SORCS2: variants seen among roughly 807,000 people sequenced by gnomAD.
SORCS2 encodes sortilin related VPS10 domain containing receptor 2.
A neutral mutation model predicts 141.6 loss-of-function variants in SORCS2; 100 were observed. That is an observed-to-expected ratio of 0.71 (90% CI 0.60 to 0.83). The LOEUF is 0.83. SORCS2 is among the 40% of genes least tolerant of loss of function. SORCS2 has a pLI of 0.00. For missense variants in SORCS2, 1,646 were observed against 1,560.2 expected (o/e 1.05, Z -0.93); for synonymous variants, 789 against 676.9 (o/e 1.17, Z -2.57).
chr4:7,424,155 G>A (rs953849556), intron 2 of SORCS2, among the ~76,000 whole-genome samples: 1 of 152,218 alleles, frequency 6.6e-6, no homozygotes, highest in Non-Finnish European at 1.5e-5. Context: ...GTGAAAAGCG[G>A]GTGGTGGGAC....
chr4:7,509,194 A>G (rs138241413), intron 2 of SORCS2, among the ~76,000 whole-genome samples: 1,665 of 152,308 alleles, frequency 0.011, 18 homozygotes, highest in Non-Finnish European at 0.016. Context: ...AGCTGGGAGC[A>G]TTCGCTGCCC....
chr4:7,676,179 G>T lies in SORCS2; in HGVS notation c.1291G>T (p.Val431Leu). 1 of 1,555,926 alleles carries T rather than the reference G, an allele frequency of 6.4e-7. No individual in the cohort carries two copies. Among genetic ancestry groups the T allele is most frequent in the Non-Finnish European group, 8.7e-7 (1 of 1,149,440 alleles). ...GCGCTACGCGCTGGTGCTGCAGGACGTGCGCAGCTCACGGCAGGCGGAGGA... is the reference window on the plus strand; with the variant it reads ...GCGCTACGCGCTGGTGCTGCAGGACTTGCGCAGCTCACGGCAGGCGGAGGA... Reference protein sequence around the residue: ...GVRYALVLQDVRSSRQAEESV... With the variant: ...GVRYALVLQDLRSSRQAEESV... Residue 431 changes from valine (V) to leucine (L), a missense_variant, in exon 9 of 27, where the codon GTG becomes TTG. Physicochemically the swap from Val to Leu is conservative, Grantham distance 32 (BLOSUM62 1). Coordinates refer to ENST00000507866, the MANE Select transcript of SORCS2 (RefSeq NM_020777.3).
chr4:7,724,561 ATGGTGG>A (rs1402223607), intron 19 of SORCS2, among the ~76,000 whole-genome samples: 2,438 of 106,206 alleles, frequency 0.023, 63 homozygotes, highest in South Asian at 0.054. Context: ...GTGGGAATGG[ATGGTGG>A]TGGTGATGGT....
intron 3 of SORCS2, among the ~76,000 whole-genome samples, chr4:7,610,068 A>C (rs886336602): frequency 6.6e-6 from 1 of 152,174 alleles, no homozygotes; most frequent in African/African-American, 2.4e-5. Context: ...CCAGACCGTC[A>C]CCTTGGGGCC....
At chr4:7,532,456 C>T (rs1434888309) in intron 3 of SORCS2, among the ~76,000 whole-genome samples, 1 of 152,220 alleles carries the variant, frequency 6.6e-6, no homozygotes, top group Non-Finnish European at 1.5e-5. Flanking sequence ...GGCACACAGG[C>T]CCCTGTGCTC....
At chr4:7,605,673 C>A (rs1307729443) in intron 3 of SORCS2, among the ~76,000 whole-genome samples, 1 of 152,142 alleles carries the variant, frequency 6.6e-6, no homozygotes, top group Admixed American at 6.5e-5. Flanking sequence ...AGAAAGAGGC[C>A]GTCTCCCTGG....
rs369147771 is a variant in SORCS2 at position 7,452,244 on chromosome 4, A to G, written c.548+55889A>G. 7.9e-5 allele frequency among the ~76,000 whole-genome samples: 12 copies of G among 152,122 alleles called. No homozygotes were observed. The South Asian group carries it at 1.7e-3, about 21-fold the overall frequency. ...CAACCTCTGCCTCCTATGTTCAGGCAATTCGCCTGCCTCAGCCTCCTGAGT... is the reference window on the plus strand; with the variant it reads ...CAACCTCTGCCTCCTATGTTCAGGCGATTCGCCTGCCTCAGCCTCCTGAGT... On this transcript the variant is annotated intron_variant, in intron 2 of 26. Coordinates refer to ENST00000507866, the MANE Select transcript of SORCS2 (RefSeq NM_020777.3).
chr4:7,602,529 A>G (rs1490844904), intron 3 of SORCS2, among the ~76,000 whole-genome samples: 16 of 149,778 alleles, frequency 1.1e-4, no homozygotes, highest in Non-Finnish European at 2.4e-4. Context: ...GCGGCCGGGC[A>G]GAGACGCTCC....
chr4:7,238,428 A>T (rs1461375696), intron 1 of SORCS2, among the ~76,000 whole-genome samples: 1 of 152,186 alleles, frequency 6.6e-6, no homozygotes, highest in African/African-American at 2.4e-5. Context: ...TAGGGCTCCT[A>T]GGTCCTTGCC....
chr4:7,496,787 G>A (rs1299002877), intron 2 of SORCS2, among the ~76,000 whole-genome samples: 2 of 152,144 alleles, frequency 1.3e-5, no homozygotes, highest in East Asian at 3.9e-4. Flanking sequence ...GGCGGGAGAT[G>A]ACAAAACAAA....
intron 3 of SORCS2, among the ~76,000 whole-genome samples, chr4:7,578,130 C>T (rs1468970411): frequency 6.6e-6 from 1 of 152,178 alleles, no homozygotes; most frequent in Non-Finnish European, 1.5e-5. Flanking sequence ...AGTTCTTGCT[C>T]TCTCAGAACC....
At chr4:7,697,494 A>G (rs755453365) in intron 12 of SORCS2, among the ~76,000 whole-genome samples, 1 of 152,166 alleles carries the variant, frequency 6.6e-6, no homozygotes, top group Non-Finnish European at 1.5e-5. Flanking sequence ...GGCTCGGACC[A>G]CCCAGCTGCT....
intron 4 of SORCS2, among the ~76,000 whole-genome samples, chr4:7,652,408 C>T (rs1320813177): frequency 6.6e-6 from 1 of 152,190 alleles, no homozygotes. Flanking sequence ...GATCAGCTGG[C>T]CCCTTCCCTT....
At position 7,740,871 on chromosome 4, in the gene SORCS2, GTCTT is replaced by G. The variant is rs1712615753; in HGVS notation, c.*609_*612del. On this transcript the variant is annotated 3_prime_UTR_variant, in exon 27 of 27. Transcript: ENST00000507866. ...CGGTGGTGGGGGTGTCTCACTCTCT[GTCTT>G]TATAGCCGGCGGTAGCCACCGGGGT... The G allele has an allele frequency of 5.0e-6, 2 of 396,040 alleles. No homozygotes were observed. The highest frequency in any genetic ancestry group is 7.2e-5 in the East Asian group (2 of 27,880). 24.5% of individuals were successfully genotyped at this position (396,040 alleles called of 1,614,324 possible).
chr4:7,267,637 C>G (rs1164111840), intron 1 of SORCS2, among the ~76,000 whole-genome samples: 2 of 152,162 alleles, frequency 1.3e-5, no homozygotes, highest in Non-Finnish European at 2.9e-5. Context: ...TCGAGACCAG[C>G]CTGGCTAACA....
rs1721225696 is a variant in SORCS2 at position 7,648,477 on chromosome 4, G to C, written c.814-5657G>C. ...TGGGACTCAGCCCCCGCCTTCCTCT[G>C]CCTGGGAGTATTTATAGAGGGCCTT... is the stretch of plus-strand genomic sequence containing the variant. On this transcript the variant is annotated intron_variant, in intron 4 of 26. Transcript: ENST00000507866. This position sits in a 1 kb window ranked among gnomAD's most constrained non-coding sequence, Gnocchi z 4.2. 6.6e-6 allele frequency among the ~76,000 whole-genome samples: 1 copy of C among 152,142 alleles called. No homozygotes were observed. Among genetic ancestry groups the C allele is most frequent in the African/African-American group, 2.4e-5 (1 of 41,426 alleles).
chr4:7,543,810 AT>A (rs1712969396), intron 3 of SORCS2, among the ~76,000 whole-genome samples: 2 of 19,788 alleles, frequency 1.0e-4, no homozygotes, highest in Non-Finnish European at 2.2e-4. Flanking sequence ...CCATCCATCC[AT>A]CCATCCATCT....
intron 1 of SORCS2, among the ~76,000 whole-genome samples, chr4:7,275,112 T>G (rs1715409863): frequency 1.3e-5 from 2 of 152,176 alleles, no homozygotes. Flanking sequence ...TTTCTGGGAG[T>G]AAACGGGCAT....
intron 1 of SORCS2, among the ~76,000 whole-genome samples, chr4:7,206,796 A>G (rs1727767440): frequency 6.6e-6 from 1 of 152,152 alleles, no homozygotes; most frequent in Non-Finnish European, 1.5e-5. Flanking sequence ...TTTAAATAGC[A>G]TCCTTGATGA....
Sources: gnomAD v4.1 joint callset for allele counts (sites outside exome capture counted in the v4.1 genomes callset) on GRCh38, gnomAD v4.1.1 for gene constraint, Gnocchi (gnomAD v3.1) non-coding constraint, MANE v1.5 for transcripts, NCBI Gene and HGNC (gene_info 2026-07-23, HGNC 2026-07-21) for gene names.